C1QTNF1: variants seen among roughly 807,000 people sequenced by gnomAD.
The protein encoded by C1QTNF1 is complement C1q tumor necrosis factor-related protein 1.
Under a neutral mutation model 27.8 loss-of-function variants are expected in C1QTNF1, and 22 were observed. The ratio of observed to expected loss-of-function variants is 0.79; its 90% CI spans 0.56 to 1.13. The LOEUF is 1.13. C1QTNF1 is among the 50% of genes most tolerant of loss of function. The pLI is 0.00. For missense variants in C1QTNF1, 373 were observed against 380.2 expected (o/e 0.98, Z 0.16); for synonymous variants, 166 against 154.3 (o/e 1.08, Z -0.56).
chr17:79,047,253 T>TA (rs1555672737), intron 3 of C1QTNF1: 3 of 363,588 alleles, frequency 8.3e-6, no homozygotes, highest in Non-Finnish European at 9.8e-6. Context: ...TTTTTTTTTT[T>TA]ACCAGGGCTT....
rs532829357 is a variant in C1QTNF1, at chr17:79,032,140, G to T, written c.-15+7646G>T. 2.0e-5 allele frequency among the ~76,000 whole-genome samples: 3 copies of T among 152,306 alleles called. No homozygotes were observed. In the South Asian group the frequency reaches 6.2e-4, roughly 32 times the overall value. The stretch of plus-strand genomic sequence containing the variant: ...GGGCTTGGAGTCTTGGGGACAGGAC[G>T]AGGAAACCAAGGACTGTAGACCGGT... On this transcript the variant is annotated intron_variant, in intron 1 of 3. Coordinates refer to ENST00000579760, the MANE Select transcript of C1QTNF1 (RefSeq NM_030968.5).
At chr17:79,043,391 G>A in intron 1 of C1QTNF1, 1 of 453,174 alleles carries the variant, frequency 2.2e-6, no homozygotes, top group Non-Finnish European at 4.4e-6. Flanking sequence ...GTATGTGCAT[G>A]TATGTGCATG....
intron 1 of C1QTNF1, chr17:79,034,125 T>C (rs2072207716): frequency 6.6e-6 from 1 of 152,224 alleles, no homozygotes; most frequent in African/African-American, 2.4e-5. Context: ...GTGCTGCTTG[T>C]AAAGGGCTGG....
intron 1 of C1QTNF1, among the ~76,000 whole-genome samples, chr17:79,038,419 G>T (rs1413688891): frequency 6.6e-6 from 1 of 152,216 alleles, no homozygotes; most frequent in African/African-American, 2.4e-5. Flanking sequence ...TTGGGGAGAA[G>T]GTCAGGTGTA....
Position 79,048,239 on chromosome 17 carries a change from C to T in C1QTNF1, c.*151C>T. ...ACAGAAAGCCAAAGCGATCGGTGCT[C>T]CCAGATCCCGCAGCCTCTGGAGAGA... is the stretch of plus-strand genomic sequence containing the variant. On this transcript the variant is annotated 3_prime_UTR_variant, in exon 4 of 4. Coordinates refer to ENST00000579760, the MANE Select transcript of C1QTNF1 (RefSeq NM_030968.5). The T allele has an allele frequency of 2.6e-6, 2 of 780,496 alleles. No individual in the cohort carries two copies. Among genetic ancestry groups the T allele is most frequent in the Non-Finnish European group, 3.9e-6 (2 of 511,980 alleles). The allele number at this position is 780,496 out of a possible 1,614,324, so 48.3% of individuals were successfully genotyped here. A position where few individuals can be genotyped will look rare whatever the true frequency, so the allele number is the denominator to read the frequency against.
rs1443528582 is a variant in C1QTNF1, at chr17:79,048,957, T to A, written c.*869T>A. On this transcript the variant is annotated 3_prime_UTR_variant, in exon 4 of 4. Coordinates refer to ENST00000579760, the MANE Select transcript of C1QTNF1 (RefSeq NM_030968.5). ...CACCCCAGAGCCCTGGGGGGTGGTC[T>A]CCATGCCTGCCACCCTGGCATCGGC... The A allele has an allele frequency of 6.6e-6, 1 of 151,968 alleles. No individual in the cohort carries two copies. 9.4% of individuals were successfully genotyped at this position (151,968 alleles called of 1,614,324 possible). A position where few individuals can be genotyped will look rare whatever the true frequency, so the allele number is the denominator to read the frequency against.
intron 1 of C1QTNF1, among the ~76,000 whole-genome samples, chr17:79,039,298 T>A (rs2072339884): frequency 1.3e-5 from 2 of 152,204 alleles, no homozygotes; most frequent in African/African-American, 4.8e-5. Flanking sequence ...CTGCTAAGCA[T>A]CCTACAGCAC....
intron 1 of C1QTNF1, among the ~76,000 whole-genome samples, chr17:79,026,187 G>A (rs1266958912): frequency 2.0e-5 from 3 of 151,206 alleles, no homozygotes; most frequent in African/African-American, 4.9e-5. Flanking sequence ...ACAGAGTTTC[G>A]CTTTTGTCAT....
chr17:79,042,387 C>T (rs2072436708), intron 1 of C1QTNF1, among the ~76,000 whole-genome samples: 1 of 152,258 alleles, frequency 6.6e-6, no homozygotes, highest in Non-Finnish European at 1.5e-5. Flanking sequence ...TCTAGAAGGA[C>T]TGTCCCAATA....
At chr17:79,033,744 G>C (rs1389366931) in intron 1 of C1QTNF1, among the ~76,000 whole-genome samples, 1 of 152,022 alleles carries the variant, frequency 6.6e-6, no homozygotes, top group African/African-American at 2.4e-5. Context: ...GGAGCAAGAG[G>C]AGCTGAGAGC....
chr17:79,028,735 G>A (rs575865204), intron 1 of C1QTNF1, among the ~76,000 whole-genome samples: 5 of 152,282 alleles, frequency 3.3e-5, no homozygotes, highest in Admixed American at 6.5e-5. Context: ...CTGGTCGGGA[G>A]AGAAAAATCA....
rs149736266 is a variant in C1QTNF1, at chr17:79,045,627, C to T, written c.156-928C>T. On this transcript the variant is annotated intron_variant, in intron 2 of 3. Coordinates refer to ENST00000579760, the MANE Select transcript of C1QTNF1 (RefSeq NM_030968.5). ...TGGCGGAGGGAGTCGGGGGTGATGC[C>T]GAAGGCTCCACCCTGGGCACCCGCT... Among the ~76,000 whole-genome samples the T allele has an allele frequency of 2.4e-4, 36 of 152,180 alleles. No homozygotes were observed. The East Asian group carries it at 5.6e-3, about 24-fold the overall frequency.
At chr17:79,030,585 C>T (rs1174550992) in intron 1 of C1QTNF1, among the ~76,000 whole-genome samples, 3 of 136,310 alleles carry the variant, frequency 2.2e-5, no homozygotes, top group African/African-American at 5.5e-5. Context: ...TCCTTCCTTC[C>T]TTTCTTTTTC....
At chr17:79,025,877 C>T (rs1483741460) in intron 1 of C1QTNF1, 1 of 428,554 alleles carries the variant, frequency 2.3e-6, no homozygotes, top group Non-Finnish European at 4.7e-6. Context: ...CAGTGGCAAT[C>T]ATCATCACCA....
rs573046869 is a variant in C1QTNF1, at chr17:79,048,839, C to T, written c.*751C>T. On this transcript the variant is annotated 3_prime_UTR_variant, in exon 4 of 4. Transcript: ENST00000579760. Reference sequence around the variant, plus strand: ...GCAGCCGAAGGGCTCCTGACAGTGGCCAGGGACCCCTGGGTCCCCCAGGCC... The same window carrying T: ...GCAGCCGAAGGGCTCCTGACAGTGGTCAGGGACCCCTGGGTCCCCCAGGCC... 5.3e-5 allele frequency: 8 copies of T among 152,278 alleles called. No homozygotes were observed. Among genetic ancestry groups the T allele is most frequent in the African/African-American group, 1.4e-4 (6 of 41,552 alleles). The allele number at this position is 152,278 out of a possible 1,614,324, so 9.4% of individuals were successfully genotyped here.
intron 1 of C1QTNF1, among the ~76,000 whole-genome samples, chr17:79,031,182 T>A (rs2072132198): frequency 6.6e-6 from 1 of 151,140 alleles, no homozygotes; most frequent in African/African-American, 2.4e-5. Context: ...ATTTTTTGTA[T>A]TTTTAGTAGA....
rs3223281 is a variant in C1QTNF1 at position 79,028,883 on chromosome 17, G to GGTGTGT, written c.-15+4413_-15+4418dup. Among the ~76,000 whole-genome samples the GGTGTGT allele has an allele frequency of 1.1e-3, 168 of 149,374 alleles. 2 individuals are homozygous for GGTGTGT. The South Asian group carries it at 0.013, about 11-fold the overall frequency. ...ACTGCCCAAGCCCCTCACATTTTAA[G>GGTGTGT]GTGTGTGTGTGTGTGTGTGTGTGTG... is the stretch of plus-strand genomic sequence containing the variant. On this transcript the variant is annotated intron_variant, in intron 1 of 3. Coordinates refer to ENST00000579760, the MANE Select transcript of C1QTNF1 (RefSeq NM_030968.5).
chr17:79,047,909 G>A lies in C1QTNF1; in HGVS notation c.667G>A (p.Ala223Thr), dbSNP rs145972401. 16 of 1,613,978 alleles carry A rather than the reference G, an allele frequency of 9.9e-6. No individual in the cohort carries two copies. The East Asian group carries it at 1.3e-4, about 13-fold the overall frequency. ...KNEEEVVILF[A>T]QVGDRSIMQS... ...CGAGGAGGAGGTGGTGATCTTGTTC[G>A]CGCAGGTGGGCGACCGCAGCATCAT... Residue 223 changes from alanine to threonine, a missense_variant, in exon 4 of 4, where the codon GCG becomes ACG. Physicochemically the swap from Ala to Thr is moderately conservative, Grantham distance 58. Transcript: ENST00000579760.
At chr17:79,033,516 G>C (rs1446133164) in intron 1 of C1QTNF1, among the ~76,000 whole-genome samples, 2 of 151,476 alleles carry the variant, frequency 1.3e-5, no homozygotes, top group Non-Finnish European at 2.9e-5. Context: ...GGGAAACATA[G>C]TGAGATCCTG....
Sources: allele counts gnomAD v4.1 joint callset (sites outside exome capture counted in the v4.1 genomes callset), GRCh38; gene constraint gnomAD v4.1.1; transcripts MANE v1.5; gene names NCBI Gene and HGNC (gene_info 2026-07-23, HGNC 2026-07-21).